Variants in STK10 observed in about 807,000 individuals in gnomAD.
The protein encoded by STK10 is serine/threonine-protein kinase 10.
A neutral mutation model predicts 113.8 loss-of-function variants in STK10; 78 were observed. That is an observed-to-expected ratio of 0.69 (90% CI 0.57 to 0.83). The LOEUF (loss-of-function observed/expected upper bound fraction) is 0.83. STK10 is among the 40% of genes least tolerant of loss of function. The pLI, the probability that STK10 is intolerant of heterozygous loss-of-function variation, is 0.00. For synonymous variants in STK10, 465 were observed against 494.7 expected (o/e 0.94, Z 0.80); for missense variants, 1,109 against 1,280.1 (o/e 0.87, Z 2.04).
Position 172,044,741 on chromosome 5 carries a change from T to TG in STK10, c.*140dup. The TG allele has an allele frequency of 7.2e-7, 1 of 1,393,278 alleles. No individual in the cohort carries two copies. Among genetic ancestry groups the TG allele is most frequent in the Non-Finnish European group, 1.0e-6 (1 of 1,003,816 alleles). 86.3% of individuals were successfully genotyped at this position (1,393,278 alleles called of 1,614,324 possible). On this transcript the variant is annotated 3_prime_UTR_variant, in exon 19 of 19. Coordinates refer to ENST00000176763, the MANE Select transcript of STK10 (RefSeq NM_005990.4). The surrounding 1 kb of genome is among the most constrained non-coding windows in gnomAD (Gnocchi z 4.5). ...CTGGGGCAGGTCTATCAGGCACAGT[T>TG]GGGGTGGCACAGGGCGAGGGGCTGG...
chr5:172,137,529 C>T (rs1769887812), intron 2 of STK10, among the ~76,000 whole-genome samples: 1 of 151,820 alleles, frequency 6.6e-6, no homozygotes, highest in Admixed American at 6.6e-5. Context: ...ATGAGAAATA[C>T]TCAACAAACA....
At chr5:172,078,619 TAAAAAAAAAAAAAA>T (rs58823824) in intron 12 of STK10, among the ~76,000 whole-genome samples, 4,576 of 72,876 alleles carry the variant, frequency 0.063, 327 homozygotes, top group African/African-American at 0.16. Flanking sequence ...GCCTCATCAT[TAAAAAAAAAAAAAA>T]AAAAAAAAAA....
chr5:172,086,271 C>T (rs907820702), intron 10 of STK10, among the ~76,000 whole-genome samples: 4 of 152,116 alleles, frequency 2.6e-5, no homozygotes, highest in African/African-American at 7.2e-5. Flanking sequence ...AAGCCAGAGG[C>T]GCTTTCTACA....
At chr5:172,075,635 G>A (rs10475565) in intron 12 of STK10, among the ~76,000 whole-genome samples, 32,064 of 152,030 alleles carry the variant, frequency 0.21, 4,383 homozygotes, top group African/African-American at 0.38. Flanking sequence ...AGCCGAGATC[G>A]TGCCATTGCA....
intron 1 of STK10, among the ~76,000 whole-genome samples, chr5:172,168,825 C>T (rs950350971): frequency 7.9e-5 from 12 of 152,122 alleles, no homozygotes; most frequent in African/African-American, 2.7e-4. Context: ...AGGGGTCTCC[C>T]GCCCAGCTGC....
At chr5:172,153,283 T>C in intron 2 of STK10, among the ~76,000 whole-genome samples, 1 of 108,696 alleles carries the variant, frequency 9.2e-6, no homozygotes, top group East Asian at 3.5e-4. Flanking sequence ...CAAAACTCCA[T>C]CTCAAAAAGA....
At chr5:172,052,681 A>G (rs958133785) in intron 18 of STK10, among the ~76,000 whole-genome samples, 1 of 152,220 alleles carries the variant, frequency 6.6e-6, no homozygotes, top group African/African-American at 2.4e-5. Context: ...CTGTGGACAC[A>G]TGGCAGGAGT....
intron 1 of STK10, among the ~76,000 whole-genome samples, chr5:172,170,457 C>T (rs1268716093): frequency 6.6e-6 from 1 of 152,092 alleles, no homozygotes; most frequent in Admixed American, 6.6e-5. Context: ...AGTGAGATGG[C>T]CAAGTTTCAG....
chr5:172,055,621 G>A lies in STK10; in HGVS notation c.2493C>T (p.Gly831=). ...YKKSLHINGG[G]SAAEQREKIK... ...TCTTCTCACGCTGCTCAGCTGCGCT[G>A]CCCCCGCCGTTGATGTGGAGGCTCT... is the stretch of plus-strand genomic sequence containing the variant. The change falls in exon 16 of 19, where the codon GGC becomes GGT. Residue 831 remains glycine (G), a synonymous_variant. Coordinates refer to ENST00000176763, the MANE Select transcript of STK10 (RefSeq NM_005990.4). 2 of 1,550,988 alleles carry A rather than the reference G, an allele frequency of 1.3e-6. No homozygotes were observed. Among genetic ancestry groups the A allele is most frequent in the Non-Finnish European group, 1.7e-6 (2 of 1,144,054 alleles).
chr5:172,044,584 G>A lies in STK10; in HGVS notation c.*298C>T. ...AGGCCACAGAACACCCATTCCTCTT[G>A]GACCCTGACCCCACCAACAGCCCCA... On this transcript the variant is annotated 3_prime_UTR_variant, in exon 19 of 19. Coordinates refer to ENST00000176763, the MANE Select transcript of STK10 (RefSeq NM_005990.4). The surrounding 1 kb of genome is among the most constrained non-coding windows in gnomAD (Gnocchi z 4.5). 2 of 463,876 alleles carry A rather than the reference G, an allele frequency of 4.3e-6. No individual in the cohort carries two copies. Among genetic ancestry groups the A allele is most frequent in the South Asian group, 4.8e-5 (2 of 41,818 alleles). 28.7% of individuals were successfully genotyped at this position (463,876 alleles called of 1,614,324 possible).
chr5:172,085,852 T>C (rs1403428888), intron 10 of STK10, among the ~76,000 whole-genome samples: 2 of 152,100 alleles, frequency 1.3e-5, no homozygotes, highest in Admixed American at 6.5e-5. Context: ...CCTAGTCCAG[T>C]GCGGCACCAT....
rs780733376 is a variant in STK10 at position 172,082,961 on chromosome 5, G to A, written c.1809C>T (p.Asn603=). ...QMHKRFEQEI[N]AKKKFFDTEL... ...GGGTCCCATCTTTTCTCGCACTCAC[G>A]TTGATTTCCTGTTCAAAACGTTTAT... is the stretch of plus-strand genomic sequence containing the variant. Residue 603 remains asparagine, a splice_region_variant and synonymous_variant, in exon 11 of 19, where the codon AAC becomes AAT. Coordinates refer to ENST00000176763, the MANE Select transcript of STK10 (RefSeq NM_005990.4). The surrounding 1 kb of genome is among the most constrained non-coding windows in gnomAD (Gnocchi z 4.3). The A allele has an allele frequency of 2.6e-5, 42 of 1,613,058 alleles. No individual in the cohort carries two copies. The highest frequency in any genetic ancestry group is 6.7e-5 in the Admixed American group (4 of 59,946).
intron 2 of STK10, among the ~76,000 whole-genome samples, chr5:172,154,948 A>G (rs1036994419): frequency 2.0e-5 from 3 of 152,236 alleles, no homozygotes; most frequent in African/African-American, 4.8e-5. Flanking sequence ...GCTAGCTACT[A>G]TAAGTAGTAT....
At chr5:172,173,269 G>A (rs955957734) in intron 1 of STK10, among the ~76,000 whole-genome samples, 8 of 152,182 alleles carry the variant, frequency 5.3e-5, no homozygotes, top group Non-Finnish European at 1.0e-4. Context: ...CCGTATCAGG[G>A]CCCTCTAAGA....
chr5:172,077,990 TGGGG>T (rs35078290), intron 12 of STK10, among the ~76,000 whole-genome samples: 31,974 of 151,662 alleles, frequency 0.21, 4,353 homozygotes, highest in African/African-American at 0.38. Context: ...GCTCACCTGG[TGGGG>T]GGGGTCTCGT....
chr5:172,081,548 G>C (rs1249749315), intron 12 of STK10, among the ~76,000 whole-genome samples: 2 of 152,098 alleles, frequency 1.3e-5, no homozygotes, highest in African/African-American at 4.8e-5. Flanking sequence ...CTGTGCCTAA[G>C]GTGACTGCCT....
At chr5:172,086,363 G>A (rs1768560974) in intron 10 of STK10, among the ~76,000 whole-genome samples, 1 of 152,104 alleles carries the variant, frequency 6.6e-6, no homozygotes, top group Admixed American at 6.6e-5. Flanking sequence ...TGTTAACGAG[G>A]AAATGGAAAT....
intron 4 of STK10, among the ~76,000 whole-genome samples, chr5:172,110,745 G>A (rs1349187689): frequency 2.0e-5 from 3 of 152,140 alleles, no homozygotes; most frequent in Admixed American, 6.5e-5. Flanking sequence ...TCTGTGACAC[G>A]GGGGTGATAG....
At chr5:172,102,491 G>A (rs529363586) in intron 7 of STK10, among the ~76,000 whole-genome samples, 7 of 152,312 alleles carry the variant, frequency 4.6e-5, no homozygotes, top group Admixed American at 2.6e-4. Flanking sequence ...AGTGCTGCAC[G>A]CTGGGTGCGT....
Sources: gnomAD v4.1 joint callset for allele counts (sites outside exome capture counted in the v4.1 genomes callset) on GRCh38, gnomAD v4.1.1 for gene constraint, Gnocchi (gnomAD v3.1) non-coding constraint, MANE v1.5 for transcripts, NCBI Gene and HGNC (gene_info 2026-07-23, HGNC 2026-07-21) for gene names.